Variants in FLVCR1 observed in about 807,000 individuals in gnomAD.
FLVCR1 encodes choline/ethanolamine transporter FLVCR1.
A neutral mutation model predicts 53.6 loss-of-function variants in FLVCR1; 34 were observed. The ratio of observed to expected loss-of-function variants is 0.63; its 90% CI spans 0.48 to 0.84. FLVCR1 has a LOEUF of 0.84. FLVCR1 is among the 40% of genes least tolerant of loss of function. The probability of loss-of-function intolerance (pLI) is 0.00; values close to 1 mark genes in which losing one functional copy is unlikely to be tolerated. For missense variants in FLVCR1, 677 were observed against 696.7 expected, an observed-to-expected ratio of 0.97 and a Z score of 0.32; for synonymous variants, 300 against 286.3, an observed-to-expected ratio of 1.05 and a Z score of -0.48.
In FLVCR1 at chr1:212,858,439, GGGGAGCCT is replaced by G; in HGVS notation, c.-9_-2del. 1 of 1,431,638 alleles carries G rather than the reference GGGGAGCCT, an allele frequency of 7.0e-7. No individual in the cohort carries two copies. The allele number at this position is 1,431,638 out of a possible 1,614,324, so 88.7% of individuals were successfully genotyped here. A position where few individuals can be genotyped will look rare whatever the true frequency, so the allele number is the denominator to read the frequency against. ...TGGGGCGGGGGAGCGAGGTGGCGCC[GGGGAGCCT>G]GGGATATGGCGCGGCCAGACGATGA... On this transcript the variant is annotated 5_prime_UTR_variant, in exon 1 of 10. Coordinates refer to ENST00000366971, the MANE Select transcript of FLVCR1 (RefSeq NM_014053.4).
Position 212,858,745 on chromosome 1 carries a change from T to C in FLVCR1, c.293T>C (p.Leu98Pro), listed in dbSNP as rs1459006129. Residue 98 changes from leucine (L) to proline (P), a missense_variant, in exon 1 of 10, where the codon CTG becomes CCG. Transcript: ENST00000366971. ...ACCCCGGGGGCCGAGAGCAGCCCGC[T>C]GCCCCTTACGGCGCTCTCCCCGCGG... ...AETPGAESSP[L>P]PLTALSPRRF... 1.2e-6 allele frequency: 2 copies of C among 1,613,000 alleles called. No homozygotes were observed. Among genetic ancestry groups the C allele is most frequent in the Admixed American group, 3.3e-5 (2 of 59,968 alleles).
chr1:212,884,073 C>T (rs1020217232), intron 4 of FLVCR1, among the ~76,000 whole-genome samples: 1 of 151,714 alleles, frequency 6.6e-6, no homozygotes. Flanking sequence ...TTTGGAAGGC[C>T]GAGGCGGGTG....
chr1:212,886,355 T>G (rs1010129695), intron 5 of FLVCR1, among the ~76,000 whole-genome samples: 2 of 152,196 alleles, frequency 1.3e-5, no homozygotes, highest in Non-Finnish European at 2.9e-5. Context: ...TGTTGTTCTT[T>G]TTTTATGTTG....
chr1:212,884,974 T>G (rs1360551965), intron 4 of FLVCR1, among the ~76,000 whole-genome samples: 1 of 152,236 alleles, frequency 6.6e-6, no homozygotes, highest in Non-Finnish European at 1.5e-5. Context: ...GACCTAAATG[T>G]AATTATGGAG....
chr1:212,874,514 T>C (rs932262833), intron 3 of FLVCR1, among the ~76,000 whole-genome samples: 1 of 123,658 alleles, frequency 8.1e-6, no homozygotes, highest in Non-Finnish European at 1.6e-5. Context: ...TGTCATTTAA[T>C]TTTCTTTTTT....
At chr1:212,861,135 C>T (rs1664228371) in intron 1 of FLVCR1, among the ~76,000 whole-genome samples, 1 of 152,196 alleles carries the variant, frequency 6.6e-6, no homozygotes, top group Admixed American at 6.5e-5. Context: ...TCCAGATCTG[C>T]CTCCTGCCAG....
intron 8 of FLVCR1, among the ~76,000 whole-genome samples, 172 bp downstream of exon 8, chr1:212,889,429 A>G (rs1665134953): frequency 6.6e-6 from 1 of 152,228 alleles, no homozygotes; most frequent in African/African-American, 2.4e-5. Flanking sequence ...GCAGATTTCA[A>G]ATTCAATACA....
At chr1:212,867,363 C>T (rs1343444268) in intron 2 of FLVCR1, among the ~76,000 whole-genome samples, 1 of 152,200 alleles carries the variant, frequency 6.6e-6, no homozygotes, top group Non-Finnish European at 1.5e-5. Context: ...TGGAGGCTTA[C>T]TACATGCTGT....
At chr1:212,879,133 G>T (rs1391035581) in intron 3 of FLVCR1, among the ~76,000 whole-genome samples, 1 of 152,168 alleles carries the variant, frequency 6.6e-6, no homozygotes, top group Non-Finnish European at 1.5e-5. Flanking sequence ...GTTATCAAAT[G>T]CCAGTTGTAG....
rs1201647207 is a variant in FLVCR1, at chr1:212,895,244, A to G, written c.1622A>G (p.Glu541Gly). ...AIPADSPTDQEPKTVMLSKQS... is the reference protein window; with the variant it reads ...AIPADSPTDQGPKTVMLSKQS... The stretch of plus-strand genomic sequence containing the variant: ...CCAGCTGACAGTCCCACAGACCAAG[A>G]ACCAAAAACGGTTATGTTGTCCAAG... The change falls in exon 10 of 10, where the codon GAA (glutamate) becomes GGA (glycine). Residue 541 changes from glutamate to glycine, a missense_variant. Physicochemically the swap from Glu to Gly is moderately conservative, Grantham distance 98. Transcript: ENST00000366971. 2 of 1,613,398 alleles carry G rather than the reference A, an allele frequency of 1.2e-6. No individual in the cohort carries two copies. Among genetic ancestry groups the G allele is most frequent in the Non-Finnish European group, 8.5e-7 (1 of 1,179,570 alleles).
chr1:212,873,006 T>C (rs1664648524), intron 3 of FLVCR1, among the ~76,000 whole-genome samples, 188 bp downstream of exon 3: 1 of 152,124 alleles, frequency 6.6e-6, no homozygotes, highest in Non-Finnish European at 1.5e-5. Context: ...AAAATAATAA[T>C]TTTTAAAAGG....
At chr1:212,877,915 A>G (rs1178330550) in intron 3 of FLVCR1, among the ~76,000 whole-genome samples, 1 of 152,192 alleles carries the variant, frequency 6.6e-6, no homozygotes, top group Non-Finnish European at 1.5e-5. Context: ...TGGCTCAGTA[A>G]CACAAGAAAG....
chr1:212,885,703 A>G (rs1665045261), intron 5 of FLVCR1: 1 of 254,306 alleles, frequency 3.9e-6, no homozygotes, highest in Non-Finnish European at 7.6e-6. Flanking sequence ...GGCACCCGCC[A>G]CCATGTCCGG....
Position 212,883,475 on chromosome 1 carries a change from A to G in FLVCR1, c.1092+37A>G, listed in dbSNP as rs1462926589. ...CTTATATCAGATTGCATGCCTGGCC[A>G]AAAATTTTTCTTTAGCAATATAATT... On this transcript the variant is annotated intron_variant, in intron 4 of 9. Coordinates refer to ENST00000366971, the MANE Select transcript of FLVCR1 (RefSeq NM_014053.4). The G allele has an allele frequency of 4.0e-6, 5 of 1,264,628 alleles. No homozygotes were observed. In the Admixed American group the frequency reaches 8.6e-5, roughly 22 times the overall value. The allele number at this position is 1,264,628 out of a possible 1,614,324, so 78.3% of individuals were successfully genotyped here. A position where few individuals can be genotyped will look rare whatever the true frequency, so the allele number is the denominator to read the frequency against.
intron 5 of FLVCR1, among the ~76,000 whole-genome samples, chr1:212,886,320 G>T (rs1364129079): frequency 6.6e-6 from 1 of 152,064 alleles, no homozygotes; most frequent in Non-Finnish European, 1.5e-5. Context: ...TGGGATTACA[G>T]GCATGAGCCA....
intron 2 of FLVCR1, among the ~76,000 whole-genome samples, chr1:212,865,485 ATT>A (rs58544929): frequency 7.5e-6 from 1 of 133,650 alleles, no homozygotes; most frequent in Non-Finnish European, 1.5e-5. Flanking sequence ...TGCAATAGGG[ATT>A]TTTTTTTTTT....
In FLVCR1 at chr1:212,877,639, C is replaced by G. The variant is rs530863668; in HGVS notation, c.1024+4821C>G. Among the ~76,000 whole-genome samples, 7 of 150,238 alleles carry G rather than the reference C, an allele frequency of 4.7e-5. No individual in the cohort carries two copies. In the South Asian group the frequency reaches 1.5e-3, roughly 31 times the overall value. Reference sequence around the variant, plus strand: ...AGATCTTTGTCAGGTGGATAAATTGCAAACATTTTCTCCCATTCTGTAAGT... The same window carrying G: ...AGATCTTTGTCAGGTGGATAAATTGGAAACATTTTCTCCCATTCTGTAAGT... On this transcript the variant is annotated intron_variant, in intron 3 of 9. Transcript: ENST00000366971.
rs1665320321 is a variant in FLVCR1, at chr1:212,895,857, C to G, written c.*567C>G. 1 of 155,854 alleles carries G rather than the reference C, an allele frequency of 6.4e-6. No homozygotes were observed. The highest frequency in any genetic ancestry group is 3.4e-3 in the Middle Eastern group (1 of 298). 9.7% of individuals were successfully genotyped at this position (155,854 alleles called of 1,614,324 possible). A position where few individuals can be genotyped will look rare whatever the true frequency, so the allele number is the denominator to read the frequency against. On this transcript the variant is annotated 3_prime_UTR_variant, in exon 10 of 10. Coordinates refer to ENST00000366971, the MANE Select transcript of FLVCR1 (RefSeq NM_014053.4). ...CATTGGGATCAGGCTTTCAGATGAC[C>G]TCTAAGATTTTTCCCATTTATTGTA...
intron 2 of FLVCR1, among the ~76,000 whole-genome samples, chr1:212,871,577 T>C (rs964151019): frequency 2.6e-5 from 4 of 152,054 alleles, no homozygotes; most frequent in African/African-American, 9.7e-5. Flanking sequence ...CTGCCATGCA[T>C]AGCTAGTTTA....
Sources: allele counts gnomAD v4.1 joint callset (sites outside exome capture counted in the v4.1 genomes callset), GRCh38; gene constraint gnomAD v4.1.1; transcripts MANE v1.5; gene names NCBI Gene and HGNC (gene_info 2026-07-23, HGNC 2026-07-21).